The following FARSB variants were observed in gnomAD, a reference collection of about 807,000 sequenced individuals.
FARSB encodes phenylalanyl-tRNA synthetase subunit beta, also known as phenylalanine--tRNA ligase beta subunit.
Under a neutral mutation model 69.6 loss-of-function variants are expected in FARSB, and 40 were observed. The observed-to-expected ratio is 0.57, with a 90% CI of 0.45 to 0.75. The LOEUF is 0.75. FARSB is among the 30% of genes least tolerant of loss of function. The probability of loss-of-function intolerance (pLI) is 0.00; values close to 1 mark genes in which losing one functional copy is unlikely to be tolerated. For missense variants in FARSB, 632 were observed against 722.9 expected (o/e 0.87, Z 1.44); for synonymous variants, 235 against 247.2 (o/e 0.95, Z 0.46).
At chr2:222,609,659 T>C (rs189012787) in intron 15 of FARSB, among the ~76,000 whole-genome samples, 48 of 152,332 alleles carry the variant, frequency 3.2e-4, no homozygotes, top group Middle Eastern at 6.8e-3. Flanking sequence ...TGAATGTGTC[T>C]GATTTAGAGT....
chr2:222,639,510 A>C (rs1186964056), intron 5 of FARSB, 70 bp downstream of exon 5: 1 of 605,030 alleles, frequency 1.7e-6, no homozygotes, highest in Non-Finnish European at 3.0e-6. Context: ...GAGAGGGATC[A>C]GGATGGAAAG....
In FARSB at chr2:222,599,952, C is replaced by T; in HGVS notation, c.1594G>A (p.Gly532Arg). ...LDVPPGEDKG[G>R]YVIKASEGPA... is the part of the protein sequence containing the mutation. ...CCTTCTGATGCTTTGATCACATATC[C>T]CCCCTTGTCTTCACCAGGAGGCACA... The change falls in exon 16 of 17, where the codon GGA becomes AGA. Residue 532 changes from glycine (G) to arginine (R), a missense_variant. Gly to Arg is a moderately radical substitution (Grantham distance 125). Coordinates refer to ENST00000281828, the MANE Select transcript of FARSB (RefSeq NM_005687.5). 1.2e-6 allele frequency: 2 copies of T among 1,602,414 alleles called. No individual in the cohort carries two copies. Among genetic ancestry groups the T allele is most frequent in the Non-Finnish European group, 1.7e-6 (2 of 1,177,246 alleles).
intron 16 of FARSB, among the ~76,000 whole-genome samples, chr2:222,574,612 A>G (rs910940493): frequency 2.6e-5 from 4 of 152,144 alleles, no homozygotes; most frequent in Admixed American, 2.0e-4. Flanking sequence ...ATCCAATACA[A>G]ATTATCCTTC....
At chr2:222,614,720 G>A (rs1690952653) in intron 14 of FARSB, among the ~76,000 whole-genome samples, 1 of 152,092 alleles carries the variant, frequency 6.6e-6, no homozygotes, top group Non-Finnish European at 1.5e-5. Flanking sequence ...CATGCCTTTA[G>A]TTTCAGCTAC....
At position 222,648,730 on chromosome 2, in the gene FARSB, C is replaced by T; in HGVS notation, c.114+10G>A. 6.6e-7 allele frequency: 1 copy of T among 1,517,132 alleles called. No homozygotes were observed. The highest frequency in any genetic ancestry group is 9.2e-7 in the Non-Finnish European group (1 of 1,091,746). 94.0% of individuals were successfully genotyped at this position (1,517,132 alleles called of 1,614,324 possible). A position where few individuals can be genotyped will look rare whatever the true frequency, so the allele number is the denominator to read the frequency against. On this transcript the variant is annotated intron_variant, in intron 2 of 16. Transcript: ENST00000281828. ...AATCTTTGAAAAATAGACAAATATCCAATACATACAATTTCATCAAGCTCC... is the reference window on the plus strand; with the variant it reads ...AATCTTTGAAAAATAGACAAATATCTAATACATACAATTTCATCAAGCTCC...
chr2:222,574,983 T>C (rs994893892), intron 16 of FARSB, among the ~76,000 whole-genome samples: 1 of 152,230 alleles, frequency 6.6e-6, no homozygotes, highest in East Asian at 1.9e-4. Flanking sequence ...CTTAGTGCTT[T>C]TGAAAACCTT....
intron 16 of FARSB, among the ~76,000 whole-genome samples, chr2:222,599,207 G>A (rs1050380459): frequency 2.6e-5 from 4 of 152,118 alleles, no homozygotes; most frequent in Non-Finnish European, 5.9e-5. Context: ...TGAGGTAAAC[G>A]GTAGGAATAA....
chr2:222,646,027 A>G (rs1691844836), intron 2 of FARSB, among the ~76,000 whole-genome samples: 1 of 152,222 alleles, frequency 6.6e-6, no homozygotes, highest in Admixed American at 6.5e-5. Flanking sequence ...GAGATCTATC[A>G]TTCAAATTAT....
rs1459152347 is a variant in FARSB at position 222,620,199 on chromosome 2, AGGCT to A, written c.1252-466_1252-463del. ...CAGCCTCACCTGCTACCATTCCCTAAGGCTGACTTAAATGACCTCTCTTCCATAA... is the reference window on the plus strand; with the variant it reads ...CAGCCTCACCTGCTACCATTCCCTAAGACTTAAATGACCTCTCTTCCATAA... On this transcript the variant is annotated intron_variant, in intron 13 of 16. Coordinates refer to ENST00000281828, the MANE Select transcript of FARSB (RefSeq NM_005687.5). Among the ~76,000 whole-genome samples, 6 of 152,156 alleles carry A rather than the reference AGGCT, an allele frequency of 3.9e-5. No homozygotes were observed. The East Asian group carries it at 1.2e-3, about 29-fold the overall frequency.
At chr2:222,602,004 C>T (rs1418583007) in intron 15 of FARSB, among the ~76,000 whole-genome samples, 1 of 152,108 alleles carries the variant, frequency 6.6e-6, no homozygotes, top group Non-Finnish European at 1.5e-5. Flanking sequence ...TCCAAATGAA[C>T]ACTGATAACA....
intron 1 of FARSB, among the ~76,000 whole-genome samples, chr2:222,649,843 C>T (rs1691984717): frequency 6.6e-6 from 1 of 152,184 alleles, no homozygotes; most frequent in Non-Finnish European, 1.5e-5. Flanking sequence ...GAACACAAAA[C>T]ATCATTAGCA....
chr2:222,597,850 A>G (rs1690460222), intron 16 of FARSB, among the ~76,000 whole-genome samples: 1 of 152,168 alleles, frequency 6.6e-6, no homozygotes, highest in African/African-American at 2.4e-5. Flanking sequence ...TAATCCTTTT[A>G]AAGTACAGAT....
intron 14 of FARSB, among the ~76,000 whole-genome samples, chr2:222,616,659 AAG>A (rs1179034217): frequency 6.6e-6 from 1 of 152,078 alleles, no homozygotes; most frequent in African/African-American, 2.4e-5. Context: ...AATATTCTGT[AAG>A]TTTGTTTATT....
At chr2:222,607,585 G>C (rs1690735229) in intron 15 of FARSB, among the ~76,000 whole-genome samples, 1 of 151,730 alleles carries the variant, frequency 6.6e-6, no homozygotes, top group Non-Finnish European at 1.5e-5. Flanking sequence ...ACATATGCTT[G>C]TATGAGCACA....
At chr2:222,581,998 A>G (rs1689983526) in intron 16 of FARSB, among the ~76,000 whole-genome samples, 1 of 152,204 alleles carries the variant, frequency 6.6e-6, no homozygotes, top group Admixed American at 6.5e-5. Context: ...TAGAAATCCT[A>G]TGGAGGGGTG....
intron 16 of FARSB, among the ~76,000 whole-genome samples, chr2:222,588,211 C>T (rs1454592328): frequency 6.6e-6 from 1 of 152,066 alleles, no homozygotes; most frequent in African/African-American, 2.4e-5. Context: ...TCAACATATG[C>T]AAATCAATAA....
intron 13 of FARSB, among the ~76,000 whole-genome samples, chr2:222,620,161 T>C (rs1691103324): frequency 6.6e-6 from 1 of 152,186 alleles, no homozygotes; most frequent in Non-Finnish European, 1.5e-5. Context: ...CTACCTTACC[T>C]GAAATGTCCT....
chr2:222,622,677 A>G (rs1691169264), intron 13 of FARSB, among the ~76,000 whole-genome samples: 1 of 152,174 alleles, frequency 6.6e-6, no homozygotes, highest in African/African-American at 2.4e-5. Flanking sequence ...ATGGAAAAGC[A>G]CTGTTCTAGG....
At chr2:222,634,367 T>C (rs750554937) in intron 6 of FARSB, 24 bp downstream of exon 6, 9 of 1,497,688 alleles carry the variant, frequency 6.0e-6, no homozygotes, top group Admixed American at 2.2e-5. Flanking sequence ...GCAAAGCTGC[T>C]GCATAATCAA....
Sources: gnomAD v4.1 joint callset for allele counts (sites outside exome capture counted in the v4.1 genomes callset) on GRCh38, gnomAD v4.1.1 for gene constraint, MANE v1.5 for transcripts, NCBI Gene and HGNC (gene_info 2026-07-23, HGNC 2026-07-21) for gene names.